Variants in PDIK1L observed in about 807,000 individuals in gnomAD.
PDIK1L encodes serine/threonine-protein kinase PDIK1L.
In PDIK1L, 9 loss-of-function variants were observed where a neutral mutation model predicts 27.1. The observed-to-expected ratio is 0.33, with a 90% CI of 0.20 to 0.58. The LOEUF is 0.58. Ranked by LOEUF, PDIK1L falls within the 20% of genes least tolerant of loss-of-function variation. PDIK1L has a pLI of 0.86. For missense variants in PDIK1L, 216 were observed against 413.2 expected (o/e 0.52, Z 4.14); for synonymous variants, 130 against 141.7 (o/e 0.92, Z 0.59).
intron 2 of PDIK1L, among the ~76,000 whole-genome samples, chr1:26,118,964 A>G (rs1472330208): frequency 6.6e-6 from 1 of 152,222 alleles, no homozygotes; most frequent in Non-Finnish European, 1.5e-5. Flanking sequence ...CAAAAGCCTC[A>G]TCTAGAAGAA....
At position 26,123,176 on chromosome 1, in the gene PDIK1L, G is replaced by GTTTT. The variant is rs397939050; in HGVS notation, c.*611_*614dup. ...CCCCCTAATGAAATCATATTAAGTT[G>GTTTT]TTTTTTTTTTTTTTTGTAATATACA... On this transcript the variant is annotated 3_prime_UTR_variant, in exon 3 of 3. Coordinates refer to ENST00000374269, the MANE Select transcript of PDIK1L (RefSeq NM_152835.5). 1 of 118,598 alleles carries GTTTT rather than the reference G, an allele frequency of 8.4e-6. No homozygotes were observed. The highest frequency in any genetic ancestry group is 1.9e-5 in the Non-Finnish European group (1 of 53,680). The allele number at this position is 118,598 out of a possible 1,614,324, so 7.3% of individuals were successfully genotyped here.
Position 26,114,711 on chromosome 1 carries a change from T to C in PDIK1L, c.285+118T>C. The C allele has an allele frequency of 8.9e-7, 1 of 1,128,916 alleles. No individual in the cohort carries two copies. The highest frequency in any genetic ancestry group is 1.2e-6 in the Non-Finnish European group (1 of 800,156). The allele number at this position is 1,128,916 out of a possible 1,614,324, so 69.9% of individuals were successfully genotyped here. Reference sequence around the variant, plus strand: ...AAATGCAGGTGTTTGTAGTTAGAAGTAGATAAGTGTCTGCCAAGAATTGAG... The same window carrying C: ...AAATGCAGGTGTTTGTAGTTAGAAGCAGATAAGTGTCTGCCAAGAATTGAG... On this transcript the variant is annotated intron_variant, in intron 2 of 2. Coordinates refer to ENST00000374269, the MANE Select transcript of PDIK1L (RefSeq NM_152835.5). This position sits in a 1 kb window ranked among gnomAD's most constrained non-coding sequence, Gnocchi z 4.8.
chr1:26,114,711 T>G lies in PDIK1L; in HGVS notation c.285+118T>G. 1 of 1,128,916 alleles carries G rather than the reference T, an allele frequency of 8.9e-7. No homozygotes were observed. Among genetic ancestry groups the G allele is most frequent in the Non-Finnish European group, 1.2e-6 (1 of 800,156 alleles). 69.9% of individuals were successfully genotyped at this position (1,128,916 alleles called of 1,614,324 possible). A position where few individuals can be genotyped will look rare whatever the true frequency, so the allele number is the denominator to read the frequency against. On this transcript the variant is annotated intron_variant, in intron 2 of 2. Coordinates refer to ENST00000374269, the MANE Select transcript of PDIK1L (RefSeq NM_152835.5). This position sits in a 1 kb window ranked among gnomAD's most constrained non-coding sequence, Gnocchi z 4.8. The stretch of plus-strand genomic sequence containing the variant: ...AAATGCAGGTGTTTGTAGTTAGAAG[T>G]AGATAAGTGTCTGCCAAGAATTGAG...
chr1:26,123,444 C>T lies in PDIK1L; in HGVS notation c.*867C>T, dbSNP rs1041939748. The T allele has an allele frequency of 2.0e-5, 3 of 152,648 alleles. No individual in the cohort carries two copies. The highest frequency in any genetic ancestry group is 7.2e-5 in the African/African-American group (3 of 41,446). The allele number at this position is 152,648 out of a possible 1,614,324, so 9.5% of individuals were successfully genotyped here. A position where few individuals can be genotyped will look rare whatever the true frequency, so the allele number is the denominator to read the frequency against. ...TGGGACGTCTGCACTTGAGCTTCTA[C>T]AATCTGATATAAATCTGAATACAGG... On this transcript the variant is annotated 3_prime_UTR_variant, in exon 3 of 3. Transcript: ENST00000374269.
Position 26,121,963 on chromosome 1 carries a change from C to T in PDIK1L, c.412C>T (p.Arg138Cys). 2 of 1,614,038 alleles carry T rather than the reference C, an allele frequency of 1.2e-6. No individual in the cohort carries two copies. The highest frequency in any genetic ancestry group is 8.5e-7 in the Non-Finnish European group (1 of 1,179,998). Reference sequence around the variant, plus strand: ...GTATCTGTTGTCCAGGAAACCCAATCGTAAAACTAACACCAGCTTCATGCT... The same window carrying T: ...GTATCTGTTGTCCAGGAAACCCAATTGTAAAACTAACACCAGCTTCATGCT... ...NEYLLSRKPN[R>C]KTNTSFMLQL... Residue 138 changes from arginine (R) to cysteine (C), a missense_variant, in exon 3 of 3, where the codon CGT becomes TGT. Arg to Cys is a radical substitution (Grantham distance 180, BLOSUM62 -3). This residue lies in a region of PDIK1L where 169 missense variants were observed against 366.0 expected (regional missense o/e 0.46). Coordinates refer to ENST00000374269, the MANE Select transcript of PDIK1L (RefSeq NM_152835.5).
chr1:26,121,169 T>C (rs1569817858), intron 2 of PDIK1L, among the ~76,000 whole-genome samples: 2 of 148,336 alleles, frequency 1.3e-5, no homozygotes, highest in Admixed American at 1.3e-4. Flanking sequence ...GAAAACAAAA[T>C]AAATATTTAA....
chr1:26,124,825 C>T lies in PDIK1L; in HGVS notation c.*2248C>T, dbSNP rs2088050804. 6.6e-6 allele frequency: 1 copy of T among 152,048 alleles called. No individual in the cohort carries two copies. The highest frequency in any genetic ancestry group is 1.9e-4 in the East Asian group (1 of 5,196). The allele number at this position is 152,048 out of a possible 1,614,324, so 9.4% of individuals were successfully genotyped here. On this transcript the variant is annotated 3_prime_UTR_variant, in exon 3 of 3. Coordinates refer to ENST00000374269, the MANE Select transcript of PDIK1L (RefSeq NM_152835.5). ...TTAAGTACCTACTGTGTGCTCAGCA[C>T]TAAAGGTTTGTTGATAAAATGACAA...
At chr1:26,116,247 C>T (rs376246642) in intron 2 of PDIK1L, among the ~76,000 whole-genome samples, 1 of 150,104 alleles carries the variant, frequency 6.7e-6, no homozygotes, top group Non-Finnish European at 1.5e-5. Context: ...TGGTGGCTTA[C>T]GCCTCTAATC....
chr1:26,122,258 C>A lies in PDIK1L; in HGVS notation c.707C>A (p.Ala236Glu). 6.2e-7 allele frequency: 1 copy of A among 1,614,172 alleles called. No individual in the cohort carries two copies. Among genetic ancestry groups the A allele is most frequent in the Non-Finnish European group, 8.5e-7 (1 of 1,180,036 alleles). Residue 236 changes from alanine (A) to glutamate (E), a missense_variant, in exon 3 of 3, where the codon GCA (alanine) becomes GAA (glutamate). Transcript: ENST00000374269. This position sits in a 1 kb window ranked among gnomAD's most constrained non-coding sequence, Gnocchi z 5.4. Reference protein sequence around the residue: ...APEVWEGHYTAKADIFALGII... With the variant: ...APEVWEGHYTEKADIFALGII... ...GAAGTTTGGGAAGGACATTACACAG[C>A]AAAAGCTGACATCTTTGCTCTGGGG...
At chr1:26,120,765 A>T (rs891330951) in intron 2 of PDIK1L, among the ~76,000 whole-genome samples, 5 of 152,184 alleles carry the variant, frequency 3.3e-5, no homozygotes, top group African/African-American at 1.2e-4. Context: ...CATCCTGGCC[A>T]ACATGGTGAA....
At chr1:26,119,424 T>TCTCTCTCA (rs1557596501) in intron 2 of PDIK1L, among the ~76,000 whole-genome samples, 1 of 149,666 alleles carries the variant, frequency 6.7e-6, no homozygotes, top group Non-Finnish European at 1.5e-5. Flanking sequence ...TCTCTCTCTC[T>TCTCTCTCA]CACACACACA....
chr1:26,111,934 C>T lies in PDIK1L; in HGVS notation c.-18+19C>T. ...CCCTGAGGTAAATCTGGCCTTTCGG[C>T]GTGGCGGAGAGGTCTTGCTGCAGAG... On this transcript the variant is annotated intron_variant, in intron 1 of 2. Coordinates refer to ENST00000374269, the MANE Select transcript of PDIK1L (RefSeq NM_152835.5). The surrounding 1 kb of genome is among the most constrained non-coding windows in gnomAD (Gnocchi z 4.0). 6.6e-6 allele frequency: 1 copy of T among 152,248 alleles called. No individual in the cohort carries two copies. Among genetic ancestry groups the T allele is most frequent in the Non-Finnish European group, 1.5e-5 (1 of 68,014 alleles). 9.4% of individuals were successfully genotyped at this position (152,248 alleles called of 1,614,324 possible).
chr1:26,111,641 ACCT>A (rs1210260123), upstream of PDIK1L, among the ~76,000 whole-genome samples: 2 of 150,626 alleles, frequency 1.3e-5, no homozygotes, highest in South Asian at 2.1e-4. This position sits in a 1 kb window ranked among gnomAD's most constrained non-coding sequence, Gnocchi z 4.0. Flanking sequence ...GAGCGCGCAC[ACCT>A]CCGACGACTC....
rs748723713 is a variant in PDIK1L, at chr1:26,114,470, C to T, written c.162C>T (p.Phe54=). 7.7e-5 allele frequency: 124 copies of T among 1,614,016 alleles called. No individual in the cohort carries two copies. Among genetic ancestry groups the T allele is most frequent in the Non-Finnish European group, 1.0e-4 (120 of 1,180,012 alleles). The change falls in exon 2 of 3, where the codon TTC becomes TTT. Residue 54 remains phenylalanine, a synonymous_variant. Transcript: ENST00000374269. The surrounding 1 kb of genome is among the most constrained non-coding windows in gnomAD (Gnocchi z 4.8). ...ATGTTGAACTAGCCCTTCGTGAGTT[C>T]TGGGCACTAAGCAGTATCAAGAGCC... ...PENVELALRE[F]WALSSIKSQH...
rs1424235821 is a variant in PDIK1L, at chr1:26,114,266, A to G, written c.-17-26A>G. 3.8e-6 allele frequency: 6 copies of G among 1,576,112 alleles called. No individual in the cohort carries two copies. Among genetic ancestry groups the G allele is most frequent in the African/African-American group, 2.7e-5 (2 of 74,042 alleles). On this transcript the variant is annotated intron_variant, in intron 1 of 2. Transcript: ENST00000374269. This position sits in a 1 kb window ranked among gnomAD's most constrained non-coding sequence, Gnocchi z 4.8. ...AAGCCAGTAGGTATACATAATTTCAACAGAGCACTTTGTTGATTTTTCCAG... is the reference window on the plus strand; with the variant it reads ...AAGCCAGTAGGTATACATAATTTCAGCAGAGCACTTTGTTGATTTTTCCAG...
rs1229467239 is a variant in PDIK1L, at chr1:26,124,001, A to G, written c.*1424A>G. 6.6e-6 allele frequency: 1 copy of G among 152,648 alleles called. No individual in the cohort carries two copies. The highest frequency in any genetic ancestry group is 1.5e-5 in the Non-Finnish European group (1 of 68,020). The allele number at this position is 152,648 out of a possible 1,614,324, so 9.5% of individuals were successfully genotyped here. A position where few individuals can be genotyped will look rare whatever the true frequency, so the allele number is the denominator to read the frequency against. ...GCCTTTAAGGTTAAATAGACTTTAC[A>G]TTGTATCTAAGTTAATCTTTATAAA... On this transcript the variant is annotated 3_prime_UTR_variant, in exon 3 of 3. Transcript: ENST00000374269.
upstream of PDIK1L, chr1:26,111,238 C>T (rs2087787024): frequency 6.5e-6 from 1 of 154,728 alleles, no homozygotes; most frequent in African/African-American, 2.4e-5. This position sits in a 1 kb window ranked among gnomAD's most constrained non-coding sequence, Gnocchi z 4.0. Flanking sequence ...AAACATGGCT[C>T]AGTGACTCGG....
Position 26,124,869 on chromosome 1 carries a change from C to T in PDIK1L, c.*2292C>T, listed in dbSNP as rs1375153793. 1.3e-5 allele frequency: 2 copies of T among 152,148 alleles called. No individual in the cohort carries two copies. The highest frequency in any genetic ancestry group is 2.1e-4 in the South Asian group (1 of 4,830). The allele number at this position is 152,148 out of a possible 1,614,324, so 9.4% of individuals were successfully genotyped here. A position where few individuals can be genotyped will look rare whatever the true frequency, so the allele number is the denominator to read the frequency against. On this transcript the variant is annotated 3_prime_UTR_variant, in exon 3 of 3. Coordinates refer to ENST00000374269, the MANE Select transcript of PDIK1L (RefSeq NM_152835.5). ...ATGACAATTAAAAAATGGCATTTAG[C>T]CAAAGGCCTTTTCAGCCAGGAGTAA...
chr1:26,112,673 T>C (rs1036137929), intron 1 of PDIK1L: 1 of 152,240 alleles, frequency 6.6e-6, no homozygotes, highest in African/African-American at 2.4e-5. Context: ...TTAGAGGAAG[T>C]GGGACTGAAC....
Sources: gnomAD v4.1 joint callset for allele counts (sites outside exome capture counted in the v4.1 genomes callset) on GRCh38, gnomAD v4.1.1 for gene constraint, gnomAD v4.1.1 regional missense constraint, Gnocchi (gnomAD v3.1) non-coding constraint, MANE v1.5 for transcripts, NCBI Gene and HGNC (gene_info 2026-07-23, HGNC 2026-07-21) for gene names.